The following BAIAP2L1 variants were observed in gnomAD, a reference collection of about 807,000 sequenced individuals.
BAIAP2L1 encodes BAR/IMD domain-containing adapter protein 2-like 1.
BAIAP2L1 carries 35 observed loss-of-function variants against 66.3 expected under a neutral mutation model. That is an observed-to-expected ratio of 0.53 (90% CI 0.40 to 0.70). The LOEUF is 0.70. Among genes scored for constraint, BAIAP2L1 ranks in the 30% least tolerant of loss-of-function variants. BAIAP2L1 has a pLI of 0.00. For synonymous variants in BAIAP2L1, 269 were observed against 248.7 expected (o/e 1.08, Z -0.77); for missense variants, 622 against 656.9 (o/e 0.95, Z 0.58).
intron 1 of BAIAP2L1, among the ~76,000 whole-genome samples, chr7:98,388,867 G>C (rs1466723821): frequency 6.6e-6 from 1 of 151,848 alleles, no homozygotes; most frequent in Non-Finnish European, 1.5e-5. Flanking sequence ...CCAGCTACTT[G>C]GGAGGCTGAG....
chr7:98,297,881 T>C (rs1159414569), intron 12 of BAIAP2L1, among the ~76,000 whole-genome samples: 12 of 152,136 alleles, frequency 7.9e-5, no homozygotes, highest in Non-Finnish European at 1.6e-4. Context: ...TTATTTAAAA[T>C]GTTGGGAGGG....
At chr7:98,316,813 G>A (rs1485384837) in intron 6 of BAIAP2L1, among the ~76,000 whole-genome samples, 1 of 151,724 alleles carries the variant, frequency 6.6e-6, no homozygotes, top group African/African-American at 2.4e-5. Context: ...GCTATCTAGA[G>A]AATGACAGGT....
intron 3 of BAIAP2L1, among the ~76,000 whole-genome samples, chr7:98,354,478 C>A (rs1309842345): frequency 6.6e-6 from 1 of 152,168 alleles, no homozygotes; most frequent in Non-Finnish European, 1.5e-5. Context: ...AAAAGCCCAC[C>A]TTTCCCTAAC....
chr7:98,324,937 C>T (rs955873714), intron 3 of BAIAP2L1, among the ~76,000 whole-genome samples: 1 of 152,204 alleles, frequency 6.6e-6, no homozygotes, highest in Non-Finnish European at 1.5e-5. Context: ...ATAATCAGAA[C>T]CTGCTTCATT....
chr7:98,340,913 C>G (rs992315965), intron 3 of BAIAP2L1, among the ~76,000 whole-genome samples: 20 of 149,576 alleles, frequency 1.3e-4, no homozygotes, highest in Non-Finnish European at 2.5e-4. Flanking sequence ...CTCAGCCTCC[C>G]GAGTAGCTGG....
At position 98,307,761 on chromosome 7, in the gene BAIAP2L1, C is replaced by A. The variant is rs756751298; in HGVS notation, c.1091G>T (p.Gly364Val). Residue 364 changes from glycine (G) to valine (V), a missense_variant, in exon 10 of 14, where the codon GGA becomes GTA. Transcript: ENST00000005260. ...SNKTLLSFAQ[G>V]DVITLLIPEE... is the part of the protein sequence containing the mutation. ...GGGGATGAGCAGCGTGATGACATCTCCCTGTGCAAAGCTGAGTAAGGTCTT... is the reference window on the plus strand; with the variant it reads ...GGGGATGAGCAGCGTGATGACATCTACCTGTGCAAAGCTGAGTAAGGTCTT... The A allele has an allele frequency of 6.2e-7, 1 of 1,614,250 alleles. No homozygotes were observed. The highest frequency in any genetic ancestry group is 2.2e-5 in the East Asian group (1 of 44,886).
At chr7:98,332,809 C>CA (rs55756451) in intron 3 of BAIAP2L1, among the ~76,000 whole-genome samples, 2,622 of 83,360 alleles carry the variant, frequency 0.031, 15 homozygotes, top group African/African-American at 0.059. Flanking sequence ...ACTTCGTCCC[C>CA]AAAAAAAAAA....
chr7:98,330,701 C>A (rs1240654073), intron 3 of BAIAP2L1, among the ~76,000 whole-genome samples: 1 of 152,072 alleles, frequency 6.6e-6, no homozygotes, highest in Non-Finnish European at 1.5e-5. Flanking sequence ...TTATTTGGCT[C>A]TGGGTTCTGC....
chr7:98,372,633 G>A lies in BAIAP2L1; in HGVS notation c.52-10201C>T, dbSNP rs1359900359. ...ACTATCTCATACAAATTAACCGAGTGACATCACAAATGTTCAAACCAATCA... is the reference window on the plus strand; with the variant it reads ...ACTATCTCATACAAATTAACCGAGTAACATCACAAATGTTCAAACCAATCA... On this transcript the variant is annotated intron_variant, in intron 1 of 13. Coordinates refer to ENST00000005260, the MANE Select transcript of BAIAP2L1 (RefSeq NM_018842.5). Among the ~76,000 whole-genome samples the A allele has an allele frequency of 2.0e-5, 3 of 151,348 alleles. No homozygotes were observed. The East Asian group carries it at 5.8e-4, about 29-fold the overall frequency.
intron 3 of BAIAP2L1, among the ~76,000 whole-genome samples, chr7:98,336,146 G>T (rs534188736): frequency 1.3e-5 from 2 of 151,890 alleles, no homozygotes; most frequent in Admixed American, 6.6e-5. Flanking sequence ...GACTATGAGG[G>T]GGGGTGGGAG....
chr7:98,386,981 G>A (rs533358364), intron 1 of BAIAP2L1, among the ~76,000 whole-genome samples: 5 of 152,198 alleles, frequency 3.3e-5, no homozygotes, highest in East Asian at 1.9e-4. Flanking sequence ...TTACAGGCGT[G>A]AGCCACCGTG....
At chr7:98,339,237 T>G (rs1338581231) in intron 3 of BAIAP2L1, among the ~76,000 whole-genome samples, 1 of 152,136 alleles carries the variant, frequency 6.6e-6, no homozygotes, top group Admixed American at 6.5e-5. Context: ...CCACCAGCAA[T>G]GGTCAAGGGT....
chr7:98,368,921 C>T (rs1299435018), intron 1 of BAIAP2L1, among the ~76,000 whole-genome samples: 1 of 151,754 alleles, frequency 6.6e-6, no homozygotes, highest in Non-Finnish European at 1.5e-5. Context: ...AGCAAAGCTG[C>T]TATGAGCGAT....
intron 3 of BAIAP2L1, among the ~76,000 whole-genome samples, chr7:98,321,040 G>A (rs1190862250): frequency 6.6e-5 from 10 of 151,910 alleles, no homozygotes. Context: ...GGGACATTTT[G>A]TGGGGAGGGT....
intron 3 of BAIAP2L1, among the ~76,000 whole-genome samples, chr7:98,336,916 T>C (rs959620824): frequency 6.6e-6 from 1 of 152,332 alleles, no homozygotes; most frequent in South Asian, 2.1e-4. Flanking sequence ...TTACCTGTTG[T>C]GTGTACTCCT....
At chr7:98,314,901 A>G (rs771680574) in intron 7 of BAIAP2L1, among the ~76,000 whole-genome samples, 20 of 152,346 alleles carry the variant, frequency 1.3e-4, no homozygotes, top group South Asian at 6.2e-4. Context: ...CTATTTTTCA[A>G]TGATGAAGCA....
intron 1 of BAIAP2L1, among the ~76,000 whole-genome samples, chr7:98,364,674 T>C (rs1802350210): frequency 6.6e-6 from 1 of 152,088 alleles, no homozygotes; most frequent in South Asian, 2.1e-4. Context: ...GAAACTATTT[T>C]CCTTAGAATT....
chr7:98,327,980 A>G (rs1208802955), intron 3 of BAIAP2L1, among the ~76,000 whole-genome samples: 1 of 152,108 alleles, frequency 6.6e-6, no homozygotes, highest in Non-Finnish European at 1.5e-5. Context: ...CTTGGAGGTG[A>G]AAAGCCAAAA....
In BAIAP2L1 at chr7:98,293,586, G is replaced by A; in HGVS notation, c.1471C>T (p.Pro491Ser). Residue 491 changes from proline (P) to serine (S), a missense_variant, in exon 14 of 14, where the codon CCC (proline) becomes TCC (serine). Pro to Ser is a moderately conservative substitution (Grantham distance 74). Coordinates refer to ENST00000005260, the MANE Select transcript of BAIAP2L1 (RefSeq NM_018842.5). ...AKPPFLSGEN[P>S]FATVKLRPTV... ...GGGCGGAGTTTCACAGTGGCAAAGG[G>A]GTTTTCTCCGCTGCAGGGGATAAGA... is the stretch of plus-strand genomic sequence containing the variant. 6 of 1,613,736 alleles carry A rather than the reference G, an allele frequency of 3.7e-6. No homozygotes were observed. The highest frequency in any genetic ancestry group is 5.1e-6 in the Non-Finnish European group (6 of 1,179,728).
Sources: allele counts gnomAD v4.1 joint callset (sites outside exome capture counted in the v4.1 genomes callset), GRCh38; gene constraint gnomAD v4.1.1; transcripts MANE v1.5; gene names NCBI Gene and HGNC (gene_info 2026-07-23, HGNC 2026-07-21).